Variants in LARP1 observed in about 807,000 individuals in gnomAD.
The protein encoded by LARP1 is La ribonucleoprotein 1, translational regulator.
Under a neutral mutation model 122.7 loss-of-function variants are expected in LARP1, and 36 were observed. The ratio of observed to expected loss-of-function variants is 0.29; its 90% CI spans 0.22 to 0.39. LARP1 has a LOEUF of 0.39. LARP1 is among the 10% of genes least tolerant of loss of function. The pLI is 1.00. For missense variants in LARP1, 1,040 were observed against 1,403.6 expected, an observed-to-expected ratio of 0.74 and a Z score of 4.14; for synonymous variants, 539 against 528.7, an observed-to-expected ratio of 1.02 and a Z score of -0.27.
intron 1 of LARP1, among the ~76,000 whole-genome samples, chr5:154,767,284 A>G (rs909027375): frequency 3.9e-5 from 6 of 152,226 alleles, no homozygotes; most frequent in African/African-American, 1.2e-4. Flanking sequence ...AGCCTGGCAC[A>G]TAGTAATACG....
chr5:154,788,604 G>A (rs182682652), intron 1 of LARP1, among the ~76,000 whole-genome samples: 51 of 152,210 alleles, frequency 3.4e-4, no homozygotes, highest in African/African-American at 1.1e-3. Flanking sequence ...GGGAGAAGTC[G>A]GTGAGCAGAG....
At chr5:154,811,181 T>A (rs753232822) in intron 16 of LARP1, 66 bp from the exon 17 acceptor site, 90 of 1,157,940 alleles carry the variant, frequency 7.8e-5, no homozygotes, top group Non-Finnish European at 9.6e-5. Context: ...TCCTCTGTTA[T>A]GCAGGCACAT....
Position 154,800,638 on chromosome 5 carries a change from C to G in LARP1, c.1716+596C>G, listed in dbSNP as rs186194064. 1.3e-4 allele frequency among the ~76,000 whole-genome samples: 20 copies of G among 152,314 alleles called. No homozygotes were observed. In the East Asian group the frequency reaches 3.5e-3, roughly 26 times the overall value. ...TATATATATAAACAGATGAAGTTCA[C>G]TGTTAAAGAAGTATTGCAATCTCTA... On this transcript the variant is annotated intron_variant, in intron 10 of 18. Transcript: ENST00000518297.
At chr5:154,712,921 A>G (rs1448764190) in exon 1 of LARP1, 1 of 1,613,542 alleles carries the variant, frequency 6.2e-7, no homozygotes, top group Non-Finnish European at 8.5e-7. Context: ...GGCCCTGGTC[A>G]CTCCATGCTT....
intron 1 of LARP1, among the ~76,000 whole-genome samples, chr5:154,747,574 C>T (rs978023241): frequency 3.9e-5 from 6 of 151,984 alleles, no homozygotes; most frequent in Admixed American, 1.3e-4. Flanking sequence ...GATGTGGTGG[C>T]GGGCACCTGT....
intron 1 of LARP1, among the ~76,000 whole-genome samples, chr5:154,731,318 T>C (rs1208761046): frequency 6.6e-6 from 1 of 152,212 alleles, no homozygotes; most frequent in African/African-American, 2.4e-5. Context: ...AATAATTATG[T>C]AATGACCATG....
intron 1 of LARP1, among the ~76,000 whole-genome samples, chr5:154,772,401 G>A (rs1755511615): frequency 6.6e-6 from 1 of 152,146 alleles, no homozygotes; most frequent in African/African-American, 2.4e-5. Context: ...GTGTGTAAGA[G>A]TATACATATA....
At chr5:154,790,444 T>C in intron 2 of LARP1, 58 bp downstream of exon 2, 2 of 1,516,508 alleles carry the variant, frequency 1.3e-6, no homozygotes, top group Non-Finnish European at 1.8e-6. Context: ...GCCTCTTTCC[T>C]GTTTTAGTGA....
At chr5:154,775,980 G>A (rs2113689553) in intron 1 of LARP1, among the ~76,000 whole-genome samples, 1 of 152,290 alleles carries the variant, frequency 6.6e-6, no homozygotes, top group East Asian at 1.9e-4. Flanking sequence ...TAAATGCCTA[G>A]TAAGTGGTGG....
Position 154,803,484 on chromosome 5 carries a change from G to T in LARP1, c.2234-56G>T. 1 of 1,613,910 alleles carries T rather than the reference G, an allele frequency of 6.2e-7. No individual in the cohort carries two copies. Among genetic ancestry groups the T allele is most frequent in the South Asian group, 1.1e-5 (1 of 91,064 alleles). Reference sequence around the variant, plus strand: ...GGGCCCTTGGACTGGGGGCTATCCTGGGGTGGATGCCACAGGCCTTTCCCT... The same window carrying T: ...GGGCCCTTGGACTGGGGGCTATCCTTGGGTGGATGCCACAGGCCTTTCCCT... On this transcript the variant is annotated intron_variant, in intron 12 of 18. Transcript: ENST00000518297. The surrounding 1 kb of genome is among the most constrained non-coding windows in gnomAD (Gnocchi z 4.4).
intron 15 of LARP1, among the ~76,000 whole-genome samples, chr5:154,806,742 T>C (rs2544869): frequency 0.97 from 148,032 of 152,296 alleles, 72,273 homozygotes; most frequent in African/African-American, 1. Flanking sequence ...CAAAACGTGG[T>C]TGCTAAATTC....
chr5:154,692,291 T>G (rs1346211912), intron 1 of LARP1, among the ~76,000 whole-genome samples: 1 of 152,240 alleles, frequency 6.6e-6, no homozygotes, highest in African/African-American at 2.4e-5. Context: ...CCTAGCTATG[T>G]GACTTTAGGC....
rs1038449505 is a variant in LARP1 at position 154,816,557 on chromosome 5, T to C, written c.*2461T>C. 6.5e-6 allele frequency: 1 copy of C among 152,712 alleles called. No individual in the cohort carries two copies. The highest frequency in any genetic ancestry group is 6.5e-5 in the Admixed American group (1 of 15,286). The allele number at this position is 152,712 out of a possible 1,614,324, so 9.5% of individuals were successfully genotyped here. On this transcript the variant is annotated 3_prime_UTR_variant, in exon 19 of 19. Coordinates refer to ENST00000518297, the MANE Select transcript of LARP1 (RefSeq NM_033551.3). ...TTTTTTTTGTTTTTGTTTTTGTTTT[T>C]GTTTTTGGTAACATGTTAGGAGTTA...
intron 1 of LARP1, among the ~76,000 whole-genome samples, chr5:154,780,936 G>A (rs866602131): frequency 6.6e-5 from 10 of 152,030 alleles, no homozygotes; most frequent in East Asian, 1.9e-4. Context: ...GGTGGCTCGC[G>A]CCTGTAGTCC....
rs994267842 is a variant in LARP1, at chr5:154,802,515, G to C, written c.2109+116G>C. The C allele has an allele frequency of 1.6e-5, 20 of 1,253,948 alleles. No homozygotes were observed. The African/African-American group carries it at 2.9e-4, about 18-fold the overall frequency. The allele number at this position is 1,253,948 out of a possible 1,614,324, so 77.7% of individuals were successfully genotyped here. A position where few individuals can be genotyped will look rare whatever the true frequency, so the allele number is the denominator to read the frequency against. On this transcript the variant is annotated intron_variant, in intron 11 of 18. Transcript: ENST00000518297. The surrounding 1 kb of genome is among the most constrained non-coding windows in gnomAD (Gnocchi z 5.1). ...AGGTCCTTATAATTCAGAGTCTCAGGATTTTTATATATGGGAAGGGGATGA... is the reference window on the plus strand; with the variant it reads ...AGGTCCTTATAATTCAGAGTCTCAGCATTTTTATATATGGGAAGGGGATGA...
chr5:154,743,294 A>C (rs1753003690), intron 1 of LARP1, among the ~76,000 whole-genome samples: 1 of 150,090 alleles, frequency 6.7e-6, no homozygotes, highest in Non-Finnish European at 1.5e-5. Flanking sequence ...CAAGGGCTAT[A>C]GTTTATTATT....
chr5:154,706,699 CT>C (rs1401064342), intron 1 of LARP1, among the ~76,000 whole-genome samples: 1 of 151,526 alleles, frequency 6.6e-6, no homozygotes, highest in African/African-American at 2.4e-5. Flanking sequence ...CACACATCCC[CT>C]GAACCTAAAA....
chr5:154,779,662 C>T (rs181866908), intron 1 of LARP1, among the ~76,000 whole-genome samples: 2 of 152,258 alleles, frequency 1.3e-5, no homozygotes, highest in Non-Finnish European at 2.9e-5. Flanking sequence ...GCATGCGCCA[C>T]CACACCTGGC....
intron 8 of LARP1, among the ~76,000 whole-genome samples, chr5:154,796,327 G>C (rs1200906521): frequency 1.3e-5 from 2 of 150,118 alleles, no homozygotes; most frequent in Non-Finnish European, 2.9e-5. Flanking sequence ...GATTAGCCTG[G>C]GTAACATAGC....
Sources: allele counts gnomAD v4.1 joint callset (sites outside exome capture counted in the v4.1 genomes callset), GRCh38; gene constraint gnomAD v4.1.1; non-coding constraint Gnocchi (gnomAD v3.1); transcripts MANE v1.5; gene names NCBI Gene and HGNC (gene_info 2026-07-23, HGNC 2026-07-21).